The following OOEP variants were observed in gnomAD, a reference collection of about 807,000 sequenced individuals.
OOEP encodes oocyte expressed protein.
OOEP carries 16 observed loss-of-function variants against 13.7 expected under a neutral mutation model. The ratio of observed to expected loss-of-function variants is 1.16; its 90% CI spans 0.79 to 1.77. The LOEUF is 1.77. OOEP is among the 40% of genes most tolerant of loss of function. The probability of loss-of-function intolerance (pLI) is 0.00; values close to 1 mark genes in which losing one functional copy is unlikely to be tolerated. For missense variants in OOEP, 195 were observed against 193.1 expected (o/e 1.01, Z -0.06); for synonymous variants, 89 against 77.1 (o/e 1.15, Z -0.81).
In OOEP at chr6:73,369,299, C is replaced by G. The variant is rs868133344; in HGVS notation, c.277G>C (p.Glu93Gln). ...VDIVDSGNLV[E>Q]ITVFGRPRVQ... Reference sequence around the variant, plus strand: ...CGGGGCCGCCCGAAAACGGTGATTTCGACTAGGTTCCCTGAGTCCACTATG... The same window carrying G: ...CGGGGCCGCCCGAAAACGGTGATTTGGACTAGGTTCCCTGAGTCCACTATG... Residue 93 changes from glutamate to glutamine, a missense_variant, in exon 2 of 3, where the codon GAA becomes CAA. Coordinates refer to ENST00000370359, the MANE Select transcript of OOEP (RefSeq NM_001080507.3). 1.2e-6 allele frequency: 2 copies of G among 1,613,742 alleles called. No individual in the cohort carries two copies. Among genetic ancestry groups the G allele is most frequent in the African/African-American group, 2.7e-5 (2 of 74,886 alleles).
chr6:73,376,472 A>ATTTT (rs1323846579), intron 2 of OOEP, among the ~76,000 whole-genome samples: 2 of 18,018 alleles, frequency 1.1e-4, no homozygotes, highest in African/African-American at 3.0e-4. Context: ...ACGAAACATG[A>ATTTT]TTTTATTTAT....
chr6:73,382,827 C>T (rs1327772615), intron 2 of OOEP, among the ~76,000 whole-genome samples: 1 of 150,626 alleles, frequency 6.6e-6, no homozygotes, highest in Non-Finnish European at 1.5e-5. Context: ...GTGTGGTGAG[C>T]CAATATGCTC....
chr6:73,369,937 G>A (rs933730720), upstream of OOEP: 2 of 675,052 alleles, frequency 3.0e-6, no homozygotes, highest in Non-Finnish European at 5.0e-6. Flanking sequence ...CGGGGTGAGC[G>A]GGTGCAAGCG....
At chr6:73,376,568 G>T (rs1258063125) in intron 2 of OOEP, among the ~76,000 whole-genome samples, 2 of 151,976 alleles carry the variant, frequency 1.3e-5, no homozygotes, top group Non-Finnish European at 2.9e-5. Context: ...CACCTCCCGA[G>T]TTCAAGCAAT....
intron 2 of OOEP, among the ~76,000 whole-genome samples, chr6:73,376,584 T>G (rs1040784646): frequency 6.6e-6 from 1 of 152,098 alleles, no homozygotes; most frequent in Non-Finnish European, 1.5e-5. Context: ...GCAATTCTCC[T>G]GCCTCAGCCT....
chr6:73,371,922 C>G (rs1329978691), upstream of OOEP, among the ~76,000 whole-genome samples: 1 of 151,780 alleles, frequency 6.6e-6, no homozygotes, highest in African/African-American at 2.4e-5. Flanking sequence ...AGTGAGACTC[C>G]ATCTCAAAAA....
chr6:73,369,123 T>G, intron 2 of OOEP, 83 bp downstream of exon 2: 5 of 1,421,632 alleles, frequency 3.5e-6, no homozygotes, highest in Non-Finnish European at 4.8e-6. Context: ...TTGAGAAGGT[T>G]AAGGGAGGAT....
At chr6:73,393,278 G>T (rs915215380) in intron 2 of OOEP, among the ~76,000 whole-genome samples, 8 of 151,852 alleles carry the variant, frequency 5.3e-5, no homozygotes, top group Admixed American at 5.2e-4. Context: ...CACCACACCC[G>T]GCAGGGTCTC....
chr6:73,375,998 G>A (rs1387726036), intron 2 of OOEP, among the ~76,000 whole-genome samples: 7 of 151,880 alleles, frequency 4.6e-5, no homozygotes, highest in Admixed American at 3.3e-4. Flanking sequence ...TGGCCAGGCC[G>A]GTCTCGAACT....
Position 73,369,852 on chromosome 6 carries a change from C to G in OOEP, c.-60G>C. 1 of 1,492,860 alleles carries G rather than the reference C, an allele frequency of 6.7e-7. No homozygotes were observed. The highest frequency in any genetic ancestry group is 1.8e-5 in the Admixed American group (1 of 56,590). 92.5% of individuals were successfully genotyped at this position (1,492,860 alleles called of 1,614,324 possible). A position where few individuals can be genotyped will look rare whatever the true frequency, so the allele number is the denominator to read the frequency against. On this transcript the variant is annotated 5_prime_UTR_variant, in exon 1 of 3. Transcript: ENST00000370359. The stretch of plus-strand genomic sequence containing the variant: ...GGCTTTCGCAAGACCTCTTCCAGAC[C>G]CAGGCGCGAAGCTCGGGCTCTCTTT...
rs1368184362 is a variant in OOEP at position 73,368,592 on chromosome 6, T to C, written c.*192A>G. 7.3e-6 allele frequency: 4 copies of C among 548,626 alleles called. No individual in the cohort carries two copies. In the East Asian group the frequency reaches 1.2e-4, roughly 16 times the overall value. The allele number at this position is 548,626 out of a possible 1,614,324, so 34.0% of individuals were successfully genotyped here. A position where few individuals can be genotyped will look rare whatever the true frequency, so the allele number is the denominator to read the frequency against. On this transcript the variant is annotated 3_prime_UTR_variant, in exon 3 of 3. Coordinates refer to ENST00000370359, the MANE Select transcript of OOEP (RefSeq NM_001080507.3). Reference sequence around the variant, plus strand: ...GCTTTATTATAAGTGTGTGAAGATCTTAATGCTTTTGGCAAAATAGCCATT... The same window carrying C: ...GCTTTATTATAAGTGTGTGAAGATCCTAATGCTTTTGGCAAAATAGCCATT...
chr6:73,384,830 G>A (rs1464899427), intron 2 of OOEP, among the ~76,000 whole-genome samples: 3 of 151,332 alleles, frequency 2.0e-5, no homozygotes, highest in Non-Finnish European at 4.4e-5. Flanking sequence ...TGTGCCTCCC[G>A]GGTTCAAGTG....
chr6:73,388,988 G>T (rs1395045439), intron 2 of OOEP, among the ~76,000 whole-genome samples: 1 of 152,014 alleles, frequency 6.6e-6, no homozygotes, highest in African/African-American at 2.4e-5. Flanking sequence ...CACATTGGGG[G>T]TACTCGCTCA....
chr6:73,386,091 C>CTTTTT (rs553140658), intron 2 of OOEP, among the ~76,000 whole-genome samples: 1 of 134,818 alleles, frequency 7.4e-6, no homozygotes, highest in Non-Finnish European at 1.6e-5. Context: ...ACATGCTTTT[C>CTTTTT]TTTTTTTTTT....
intron 2 of OOEP, among the ~76,000 whole-genome samples, chr6:73,385,052 A>C (rs1769250142): frequency 6.6e-6 from 1 of 150,794 alleles, no homozygotes; most frequent in African/African-American, 2.4e-5. Context: ...CTGTCTTAAA[A>C]AAGGCAAATG....
intron 2 of OOEP, among the ~76,000 whole-genome samples, chr6:73,386,029 C>T (rs1432608024): frequency 6.6e-6 from 1 of 152,078 alleles, no homozygotes; most frequent in Non-Finnish European, 1.5e-5. Flanking sequence ...GAGGTTCTAG[C>T]CAGTGCAATC....
At chr6:73,371,872 G>A (rs1297335942), upstream of OOEP, among the ~76,000 whole-genome samples, 1 of 152,174 alleles carries the variant, frequency 6.6e-6, no homozygotes, top group Non-Finnish European at 1.5e-5. Flanking sequence ...AGGTTGCAGT[G>A]AGCCAAAATG....
At chr6:73,392,325 T>C (rs1462728131) in intron 2 of OOEP, among the ~76,000 whole-genome samples, 3 of 152,200 alleles carry the variant, frequency 2.0e-5, no homozygotes, top group Non-Finnish European at 4.4e-5. Context: ...TTTTTTGAGA[T>C]GGAATTTCAC....
chr6:73,392,353 G>A (rs1414945026), intron 2 of OOEP, among the ~76,000 whole-genome samples: 3 of 152,036 alleles, frequency 2.0e-5, no homozygotes, highest in South Asian at 4.2e-4. Context: ...GCCCAGGCTG[G>A]AGTGCAATGG....
Sources: gnomAD v4.1 joint callset for allele counts (sites outside exome capture counted in the v4.1 genomes callset) on GRCh38, gnomAD v4.1.1 for gene constraint, MANE v1.5 for transcripts, NCBI Gene and HGNC (gene_info 2026-07-23, HGNC 2026-07-21) for gene names.